Variants in ANKS1B observed in about 807,000 individuals in gnomAD.
ANKS1B encodes ankyrin repeat and sterile alpha motif domain-containing protein 1B.
ANKS1B carries 36 observed loss-of-function variants against 148.3 expected under a neutral mutation model. The ratio of observed to expected loss-of-function variants is 0.24; its 90% CI spans 0.19 to 0.32. The LOEUF (loss-of-function observed/expected upper bound fraction) is 0.32. Among genes scored for constraint, ANKS1B ranks in the 10% least tolerant of loss-of-function variants. The pLI, the probability that ANKS1B is intolerant of heterozygous loss-of-function variation, is 1.00. For synonymous variants in ANKS1B, 542 were observed against 560.8 expected (o/e 0.97, Z 0.47); for missense variants, 1,157 against 1,542.6 (o/e 0.75, Z 4.19).
chr12:99,537,807 G>A (rs1279295507), intron 9 of ANKS1B, among the ~76,000 whole-genome samples: 1 of 152,040 alleles, frequency 6.6e-6, no homozygotes, highest in Admixed American at 6.6e-5. Flanking sequence ...TGTGCTTATG[G>A]TATATTGCTC....
chr12:98,838,541 T>C (rs2153715152), intron 17 of ANKS1B, among the ~76,000 whole-genome samples: 1 of 152,356 alleles, frequency 6.6e-6, no homozygotes, highest in Middle Eastern at 3.4e-3. Flanking sequence ...AGAGTACACA[T>C]GCAGCGATGC....
At chr12:98,776,621 G>A (rs946692415) in intron 24 of ANKS1B, among the ~76,000 whole-genome samples, 26 of 152,210 alleles carry the variant, frequency 1.7e-4, no homozygotes, top group African/African-American at 6.3e-4. Flanking sequence ...TTCTGAGAAG[G>A]GCGCGTGGTG....
At chr12:99,071,847 A>G (rs1196266678) in intron 16 of ANKS1B, among the ~76,000 whole-genome samples, 1 of 151,964 alleles carries the variant, frequency 6.6e-6, no homozygotes, top group African/African-American at 2.4e-5. Flanking sequence ...GGGTTTCAAC[A>G]TATTGGCCAG....
At position 99,780,007 on chromosome 12, in the gene ANKS1B, C is replaced by G. The variant is rs376312469; in HGVS notation, c.746-35G>C. On this transcript the variant is annotated intron_variant, in intron 5 of 26. Coordinates refer to ENST00000683438, the MANE Select transcript of ANKS1B (RefSeq NM_001352186.2). ...AAAGAAAAACTCACTAGATATACAC[C>G]ACTGAAGTATCCTCAAAAGATACTA... The G allele has an allele frequency of 1.0e-4, 142 of 1,369,996 alleles. No individual in the cohort carries two copies. The African/African-American group carries it at 1.9e-3, about 19-fold the overall frequency. The allele number at this position is 1,369,996 out of a possible 1,614,324, so 84.9% of individuals were successfully genotyped here.
intron 6 of ANKS1B, among the ~76,000 whole-genome samples, chr12:99,779,542 T>A (rs898659760): frequency 6.6e-6 from 1 of 152,176 alleles, no homozygotes; most frequent in Non-Finnish European, 1.5e-5. Context: ...AAATGTGAAA[T>A]AACACTTAAT....
intron 14 of ANKS1B, among the ~76,000 whole-genome samples, chr12:99,165,997 T>G (rs1338023817): frequency 6.6e-6 from 1 of 151,860 alleles, no homozygotes; most frequent in African/African-American, 2.4e-5. Context: ...TTAATGTGAT[T>G]CATCAGATTA....
chr12:99,958,854 T>C (rs2095362409), intron 1 of ANKS1B, among the ~76,000 whole-genome samples: 1 of 152,142 alleles, frequency 6.6e-6, no homozygotes, highest in South Asian at 2.1e-4. Context: ...CCATAGTTCC[T>C]AACACAAATG....
chr12:98,871,693 T>G (rs1187888211), intron 17 of ANKS1B, among the ~76,000 whole-genome samples: 1 of 149,336 alleles, frequency 6.7e-6, no homozygotes, highest in East Asian at 1.9e-4. Flanking sequence ...TGAGGAGCTG[T>G]TTTTTTTTAA....
At chr12:99,558,732 C>G (rs2097303290) in intron 9 of ANKS1B, among the ~76,000 whole-genome samples, 1 of 152,140 alleles carries the variant, frequency 6.6e-6, no homozygotes, top group Non-Finnish European at 1.5e-5. Context: ...TCAGATTGGA[C>G]TGGACCCATC....
At chr12:98,936,559 G>A (rs370594083) in intron 17 of ANKS1B, among the ~76,000 whole-genome samples, 4 of 151,996 alleles carry the variant, frequency 2.6e-5, no homozygotes, top group South Asian at 2.1e-4. Flanking sequence ...CCCAGGAGGT[G>A]GAGGTTGCAG....
chr12:99,069,657 TC>T (rs1256208364), intron 16 of ANKS1B, among the ~76,000 whole-genome samples: 2 of 152,244 alleles, frequency 1.3e-5, no homozygotes, highest in African/African-American at 2.4e-5. Context: ...AAAATGTATT[TC>T]CTCTTGAAGA....
At chr12:98,796,441 C>G (rs2098950269) in intron 22 of ANKS1B, among the ~76,000 whole-genome samples, 1 of 152,020 alleles carries the variant, frequency 6.6e-6, no homozygotes, top group Non-Finnish European at 1.5e-5. Context: ...TGAAATGCCA[C>G]CATGCTGAGA....
intron 9 of ANKS1B, among the ~76,000 whole-genome samples, chr12:99,597,732 A>T (rs192582376): frequency 2.0e-5 from 3 of 152,100 alleles, no homozygotes; most frequent in African/African-American, 7.2e-5. Flanking sequence ...TATAATAAAA[A>T]TACCAAAAAT....
At chr12:98,800,178 AAGT>A (rs1346005274) in intron 21 of ANKS1B, among the ~76,000 whole-genome samples, 1 of 151,574 alleles carries the variant, frequency 6.6e-6, no homozygotes, top group Non-Finnish European at 1.5e-5. Flanking sequence ...GCTGCAATAT[AAGT>A]AAGCTTTAGT....
intron 14 of ANKS1B, among the ~76,000 whole-genome samples, chr12:99,229,889 G>T (rs1015561984): frequency 1.2e-4 from 18 of 151,870 alleles, no homozygotes; most frequent in African/African-American, 4.3e-4. Flanking sequence ...TGTGCAAGGG[G>T]TATATTCTAT....
intron 17 of ANKS1B, among the ~76,000 whole-genome samples, chr12:98,863,742 T>C (rs573377368): frequency 6.6e-6 from 1 of 152,316 alleles, no homozygotes; most frequent in Non-Finnish European, 1.5e-5. Context: ...AACTTGTACA[T>C]TAGCCAGTAA....
intron 9 of ANKS1B, among the ~76,000 whole-genome samples, chr12:99,575,101 A>G (rs1366277164): frequency 1.3e-5 from 2 of 152,096 alleles, no homozygotes; most frequent in Admixed American, 1.3e-4. Context: ...ATATCAGTAA[A>G]CCATTGGACA....
At chr12:99,695,272 C>A (rs2053718038) in intron 8 of ANKS1B, among the ~76,000 whole-genome samples, 1 of 152,116 alleles carries the variant, frequency 6.6e-6, no homozygotes, top group African/African-American at 2.4e-5. Context: ...TGGCTAGATA[C>A]AAATATAGCA....
At chr12:99,927,099 T>G (rs1167849426) in intron 1 of ANKS1B, among the ~76,000 whole-genome samples, 1 of 152,056 alleles carries the variant, frequency 6.6e-6, no homozygotes, top group Non-Finnish European at 1.5e-5. Flanking sequence ...CCAACAACCA[T>G]GTGTGGGAGT....
Sources: allele counts gnomAD v4.1 joint callset (sites outside exome capture counted in the v4.1 genomes callset), GRCh38; gene constraint gnomAD v4.1.1; transcripts MANE v1.5; gene names NCBI Gene and HGNC (gene_info 2026-07-23, HGNC 2026-07-21).